Variants in RMDN2 observed in about 807,000 individuals in gnomAD.
The protein encoded by RMDN2 is regulator of microtubule dynamics protein 2.
A neutral mutation model predicts 52.8 loss-of-function variants in RMDN2; 61 were observed. That is an observed-to-expected ratio of 1.16 (90% CI 0.94 to 1.43). The LOEUF (loss-of-function observed/expected upper bound fraction) is 1.43, where lower values mean the gene tolerates loss of function less well. Among genes scored for constraint, RMDN2 ranks in the 40% most tolerant of loss-of-function variants. The pLI is 0.00. For synonymous variants in RMDN2, 180 were observed against 153.1 expected (o/e 1.18, Z -1.30); for missense variants, 592 against 475.3 (o/e 1.25, Z -2.28).
At chr2:38,046,260 A>G (rs1418353896) in intron 10 of RMDN2, among the ~76,000 whole-genome samples, 1 of 152,178 alleles carries the variant, frequency 6.6e-6, no homozygotes, top group Non-Finnish European at 1.5e-5. Context: ...TCATTACCAA[A>G]GGATATAACC....
At chr2:37,977,486 G>GGGGCGGCTGGCT (rs1245529947) in intron 4 of RMDN2, among the ~76,000 whole-genome samples, 72 of 151,442 alleles carry the variant, frequency 4.8e-4, no homozygotes, top group African/African-American at 1.7e-3. Context: ...CCTCCCGGAC[G>GGGGCGGCTGGCT]GGGCGGCTGC....
At chr2:38,033,776 T>C (rs551934408) in intron 10 of RMDN2, among the ~76,000 whole-genome samples, 1 of 152,340 alleles carries the variant, frequency 6.6e-6, no homozygotes, top group African/African-American at 2.4e-5. Flanking sequence ...TTCATGGGAA[T>C]CCAAACTTTC....
chr2:37,926,133 C>T (rs1666259211), intron 1 of RMDN2, among the ~76,000 whole-genome samples: 1 of 152,132 alleles, frequency 6.6e-6, no homozygotes. Context: ...TCTCTTTATC[C>T]TTGCAAAATT....
chr2:37,951,481 C>G lies in RMDN2; in HGVS notation c.452+21752C>G, dbSNP rs765884102. 5.0e-6 allele frequency: 8 copies of G among 1,612,012 alleles called. No homozygotes were observed. The highest frequency in any genetic ancestry group is 5.9e-6 in the Non-Finnish European group (7 of 1,179,680). On this transcript the variant is annotated intron_variant, in intron 2 of 10. Transcript: ENST00000354545. ...GTTGGATTTCAAAAAAGAAATGCTT[C>G]CCCTTACTGGCAACAAAGTAGAGCT...
At chr2:37,976,656 G>A (rs1672504411) in intron 4 of RMDN2, among the ~76,000 whole-genome samples, 1 of 152,114 alleles carries the variant, frequency 6.6e-6, no homozygotes, top group African/African-American at 2.4e-5. Flanking sequence ...GAGTTTTTCT[G>A]TAGCATTCCA....
At chr2:37,948,310 A>G (rs1326830253) in intron 2 of RMDN2, among the ~76,000 whole-genome samples, 1 of 152,202 alleles carries the variant, frequency 6.6e-6, no homozygotes, top group African/African-American at 2.4e-5. Flanking sequence ...CACATGAGCA[A>G]TCATGATGAA....
intron 10 of RMDN2, among the ~76,000 whole-genome samples, chr2:38,056,412 G>A (rs1328613041): frequency 2.6e-5 from 4 of 152,150 alleles, no homozygotes; most frequent in African/African-American, 2.4e-5. Flanking sequence ...GGGGCATGCC[G>A]GTGTGTCTCC....
downstream of RMDN2, among the ~76,000 whole-genome samples, chr2:38,022,390 A>T (rs1679454049): frequency 6.6e-6 from 1 of 152,190 alleles, no homozygotes; most frequent in African/African-American, 2.4e-5. Context: ...ACCTCAGAGA[A>T]GACAGAATAG....
At chr2:38,029,939 G>A (rs1205290362) in intron 10 of RMDN2, 2 of 152,192 alleles carry the variant, frequency 1.3e-5, no homozygotes, top group African/African-American at 4.8e-5. Flanking sequence ...AGGCAAGAGA[G>A]AATGAGAGCC....
chr2:37,960,409 A>AT (rs1670052030), intron 2 of RMDN2, among the ~76,000 whole-genome samples: 4 of 150,586 alleles, frequency 2.7e-5, no homozygotes, highest in Admixed American at 6.6e-5. Context: ...AATTACCTTG[A>AT]TTTTTTTATT....
At chr2:37,922,866 G>T (rs149262158), upstream of RMDN2, among the ~76,000 whole-genome samples, 1 of 152,212 alleles carries the variant, frequency 6.6e-6, no homozygotes, top group African/African-American at 2.4e-5. Context: ...GGATAAAAAG[G>T]ATACAGCTTG....
At position 37,993,444 on chromosome 2, in the gene RMDN2, C is replaced by G. The variant is rs1029524539; in HGVS notation, c.945+2147C>G. 2.0e-5 allele frequency among the ~76,000 whole-genome samples: 3 copies of G among 150,686 alleles called. No individual in the cohort carries two copies. In the East Asian group the frequency reaches 5.8e-4, roughly 29 times the overall value. On this transcript the variant is annotated intron_variant, in intron 7 of 10. Transcript: ENST00000354545. The stretch of plus-strand genomic sequence containing the variant: ...GAGAACTCAAAATTTTCTGGCCACA[C>G]AATATCTTAAAGTGTGTGTTAGTCT...
intron 2 of RMDN2, among the ~76,000 whole-genome samples, chr2:37,946,965 CCCTGGACTGTGT>C (rs1158970734): frequency 6.6e-6 from 1 of 152,158 alleles, no homozygotes; most frequent in Non-Finnish European, 1.5e-5. Flanking sequence ...TCATTTCAAA[CCCTGGACTGTGT>C]CCTGTTCTAT....
At chr2:37,938,080 T>C (rs907685506) in intron 2 of RMDN2, among the ~76,000 whole-genome samples, 3 of 152,230 alleles carry the variant, frequency 2.0e-5, no homozygotes, top group Non-Finnish European at 4.4e-5. Flanking sequence ...ACCTAGTTTA[T>C]TGAGTGTTTT....
chr2:37,989,425 A>C (rs1265665046), intron 5 of RMDN2, 116 bp from the exon 6 acceptor site: 12 of 685,856 alleles, frequency 1.7e-5, no homozygotes, highest in Middle Eastern at 2.6e-4. Context: ...TTATATGAAT[A>C]CTCCTGTTAA....
downstream of RMDN2, among the ~76,000 whole-genome samples, chr2:38,019,754 T>G (rs1297724400): frequency 6.6e-6 from 1 of 151,896 alleles, no homozygotes; most frequent in Non-Finnish European, 1.5e-5. Flanking sequence ...GGCAACATGG[T>G]GAAATCCCAT....
rs1273222442 is a variant in RMDN2 at position 38,063,058 on chromosome 2, A to T, written c.1714-3924A>T. On this transcript the variant is annotated intron_variant, in intron 10 of 10. Coordinates refer to the RMDN2 transcript ENST00000234195. The stretch of plus-strand genomic sequence containing the variant: ...TTGGTTCCAAGTCTTTGCTATTGTG[A>T]ATAGTGCCACTATAAACATACATGT... 2.0e-5 allele frequency among the ~76,000 whole-genome samples: 3 copies of T among 152,128 alleles called. No individual in the cohort carries two copies. The East Asian group carries it at 5.8e-4, about 29-fold the overall frequency.
chr2:37,952,310 A>T, intron 2 of RMDN2: 1 of 1,004,582 alleles, frequency 1.0e-6, no homozygotes, highest in Middle Eastern at 2.1e-4. Flanking sequence ...TTCCTCACAA[A>T]GCTTCACTGC....
In RMDN2 at chr2:37,929,368, C is replaced by A; in HGVS notation, c.91C>A (p.Arg31Ser). 6.4e-7 allele frequency: 1 copy of A among 1,551,040 alleles called. No homozygotes were observed. Among genetic ancestry groups the A allele is most frequent in the Admixed American group, 2.0e-5 (1 of 51,006 alleles). The change falls in exon 2 of 11, where the codon CGT becomes AGT. Residue 31 changes from arginine to serine, a missense_variant. Physicochemically the swap from Arg to Ser is moderately radical, Grantham distance 110. Transcript: ENST00000354545. The part of the protein sequence containing the change: ...SLLLLWYHKV[R>S]KPGIAMKLPE... ...GCTGCTCTTGTGGTACCACAAGGTC[C>A]GTAAACCAGGGATAGCAATGAAGTT...
Sources: gnomAD v4.1 joint callset for allele counts (sites outside exome capture counted in the v4.1 genomes callset) on GRCh38, gnomAD v4.1.1 for gene constraint, MANE v1.5 for transcripts, NCBI Gene and HGNC (gene_info 2026-07-23, HGNC 2026-07-21) for gene names.